PXDNL: variants seen among roughly 807,000 people sequenced by gnomAD.
PXDNL encodes the protein probable oxidoreductase PXDNL.
Under a neutral mutation model 150.8 loss-of-function variants are expected in PXDNL, and 145 were observed. The ratio of observed to expected loss-of-function variants is 0.96; its 90% CI spans 0.84 to 1.10. The LOEUF is 1.10. PXDNL is among the 50% of genes least tolerant of loss of function. The pLI, the probability that PXDNL is intolerant of heterozygous loss-of-function variation, is 0.00. For synonymous variants in PXDNL, 757 were observed against 725.7 expected (o/e 1.04, Z -0.69); for missense variants, 2,087 against 1,873.9 (o/e 1.11, Z -2.10).
intron 4 of PXDNL, among the ~76,000 whole-genome samples, chr8:51,505,488 A>G (rs1811265756): frequency 6.6e-6 from 1 of 152,354 alleles, no homozygotes; most frequent in Non-Finnish European, 1.5e-5. Flanking sequence ...TAACTGCACA[A>G]TCAAAATAGC....
chr8:51,371,517 T>A (rs1393385530), intron 19 of PXDNL, among the ~76,000 whole-genome samples: 1 of 152,226 alleles, frequency 6.6e-6, no homozygotes, highest in East Asian at 1.9e-4. Flanking sequence ...CACTATAAAC[T>A]TTCATTTCTC....
chr8:51,588,225 T>C (rs1813368739), intron 3 of PXDNL, among the ~76,000 whole-genome samples: 1 of 152,186 alleles, frequency 6.6e-6, no homozygotes, highest in South Asian at 2.1e-4. Flanking sequence ...TATAAGAACT[T>C]GCAGATACTG....
chr8:51,741,405 G>A (rs1585714489), intron 1 of PXDNL, among the ~76,000 whole-genome samples: 1 of 149,228 alleles, frequency 6.7e-6, no homozygotes, highest in East Asian at 2.0e-4. Context: ...TTGTTGAATT[G>A]ACCCCTTTAC....
chr8:51,695,281 A>G (rs141709222), intron 1 of PXDNL, among the ~76,000 whole-genome samples: 157 of 152,338 alleles, frequency 1.0e-3, no homozygotes, highest in African/African-American at 3.7e-3. Flanking sequence ...ATTTCCTATC[A>G]GTAGTCATGC....
chr8:51,486,953 C>T (rs1810780285), intron 5 of PXDNL, among the ~76,000 whole-genome samples: 1 of 151,114 alleles, frequency 6.6e-6, no homozygotes. Context: ...TGCCACCCCG[C>T]CCAGCTAATT....
intron 1 of PXDNL, among the ~76,000 whole-genome samples, chr8:51,656,767 T>G (rs1279642919): frequency 2.0e-5 from 3 of 152,226 alleles, no homozygotes; most frequent in African/African-American, 7.2e-5. Flanking sequence ...TAGTTGCTTC[T>G]ACTCATAATT....
intron 1 of PXDNL, among the ~76,000 whole-genome samples, chr8:51,789,759 ACCCAAGG>A (rs2037493752): frequency 6.6e-6 from 1 of 152,170 alleles, no homozygotes; most frequent in South Asian, 2.1e-4. Context: ...GATAAAATCC[ACCCAAGG>A]AGTATCCTTC....
intron 1 of PXDNL, among the ~76,000 whole-genome samples, chr8:51,680,088 A>T (rs973994732): frequency 6.6e-6 from 1 of 152,220 alleles, no homozygotes; most frequent in Non-Finnish European, 1.5e-5. Context: ...ATTTACAATA[A>T]GCTCTGATTA....
intron 4 of PXDNL, among the ~76,000 whole-genome samples, chr8:51,541,841 CA>C (rs200471674): frequency 0.017 from 2,660 of 152,282 alleles, 78 homozygotes; most frequent in African/African-American, 0.06. Context: ...CAGCCCCTTG[CA>C]GCCTGCTCTC....
At chr8:51,724,036 C>T (rs2130921626) in intron 1 of PXDNL, among the ~76,000 whole-genome samples, 1 of 148,022 alleles carries the variant, frequency 6.8e-6, no homozygotes, top group African/African-American at 2.5e-5. Flanking sequence ...AAGAGGGAGG[C>T]ATGGAGCGGA....
At chr8:51,497,665 C>G (rs550012320) in intron 5 of PXDNL, among the ~76,000 whole-genome samples, 1 of 152,262 alleles carries the variant, frequency 6.6e-6, no homozygotes, top group Non-Finnish European at 1.5e-5. Context: ...ATGCAGCCAA[C>G]AGACACTTAA....
intron 1 of PXDNL, among the ~76,000 whole-genome samples, chr8:51,782,812 A>T (rs748722895): frequency 6.6e-6 from 1 of 152,330 alleles, no homozygotes; most frequent in East Asian, 1.9e-4. Context: ...TTATCCCATA[A>T]AATTTCTCTT....
chr8:51,754,785 G>A (rs1183584215), intron 1 of PXDNL, among the ~76,000 whole-genome samples: 1 of 152,134 alleles, frequency 6.6e-6, no homozygotes, highest in Non-Finnish European at 1.5e-5. Flanking sequence ...TTACAGGCAT[G>A]AACCACTGCG....
chr8:51,798,093 T>C (rs898880586), intron 1 of PXDNL, among the ~76,000 whole-genome samples: 1 of 152,090 alleles, frequency 6.6e-6, no homozygotes, highest in African/African-American at 2.4e-5. Flanking sequence ...TCTCTATTTA[T>C]TAAAAGGTGC....
intron 2 of PXDNL, among the ~76,000 whole-genome samples, chr8:51,618,706 C>T (rs965332591): frequency 1.3e-5 from 2 of 152,158 alleles, no homozygotes; most frequent in Non-Finnish European, 2.9e-5. Context: ...CAGTGACTGA[C>T]ATTTTGTGCT....
intron 1 of PXDNL, among the ~76,000 whole-genome samples, chr8:51,796,174 T>C (rs2037558062): frequency 6.6e-6 from 1 of 151,936 alleles, no homozygotes; most frequent in Admixed American, 6.6e-5. Context: ...ACTAGAAAGA[T>C]CTCAAATTGA....
At chr8:51,329,936 G>T (rs1240907698) in intron 21 of PXDNL, among the ~76,000 whole-genome samples, 2 of 152,204 alleles carry the variant, frequency 1.3e-5, no homozygotes. Flanking sequence ...CAGTTCAAAG[G>T]CTGGAGAGCC....
At chr8:51,361,807 C>T (rs976947160) in intron 19 of PXDNL, among the ~76,000 whole-genome samples, 2 of 151,510 alleles carry the variant, frequency 1.3e-5, no homozygotes, top group Non-Finnish European at 2.9e-5. Context: ...ACTAAAAATA[C>T]AAAAATTAGG....
chr8:51,501,613 C>A (rs966329459), intron 4 of PXDNL, among the ~76,000 whole-genome samples: 2 of 152,062 alleles, frequency 1.3e-5, no homozygotes, highest in African/African-American at 4.8e-5. Context: ...CACACTCACA[C>A]TGTCATGCTC....
Sources: allele counts gnomAD v4.1 joint callset (sites outside exome capture counted in the v4.1 genomes callset), GRCh38; gene constraint gnomAD v4.1.1; transcripts MANE v1.5; gene names NCBI Gene and HGNC (gene_info 2026-07-23, HGNC 2026-07-21).